The following HSF2BP variants were observed in gnomAD, a reference collection of about 807,000 sequenced individuals.
HSF2BP encodes the protein heat shock transcription factor 2 binding protein, also known as heat shock factor 2-binding protein.
Under a neutral mutation model 35.0 loss-of-function variants are expected in HSF2BP, and 35 were observed. The observed-to-expected ratio is 1.00, with a 90% CI of 0.76 to 1.32. HSF2BP has a LOEUF of 1.32. Ranked by LOEUF, HSF2BP falls within the 40% of genes most tolerant of loss-of-function variation. The pLI is 0.00. For synonymous variants in HSF2BP, 114 were observed against 117.4 expected (o/e 0.97, Z 0.18); for missense variants, 326 against 321.7 (o/e 1.01, Z -0.10).
chr21:43,656,609 C>T lies in HSF2BP; in HGVS notation c.165G>A (p.Gln55=). ...ILNGEVLESF[Q]KLKIVEKNLE... is the part of the protein sequence containing the mutation. ...CACTTTTTTCTACAATCTTTAATTT[C>T]TGGAAGCTCTCCAGCACCTCCCCAT... Residue 55 remains glutamine (Q), a synonymous_variant, in exon 3 of 9, where the codon CAG becomes CAA. Transcript: ENST00000291560. 1 of 1,608,990 alleles carries T rather than the reference C, an allele frequency of 6.2e-7. No individual in the cohort carries two copies. The highest frequency in any genetic ancestry group is 1.1e-5 in the South Asian group (1 of 89,168).
intron 3 of HSF2BP, among the ~76,000 whole-genome samples, chr21:43,655,000 C>G (rs934621154): frequency 6.6e-6 from 1 of 152,210 alleles, no homozygotes. Context: ...GAGATAAGAT[C>G]TCCCAAAGGC....
At chr21:43,657,954 C>G in intron 2 of HSF2BP, 107 bp downstream of exon 2, 1 of 1,518,098 alleles carries the variant, frequency 6.6e-7, no homozygotes, top group East Asian at 2.5e-5. Context: ...AGGCTTCCCC[C>G]AAGCACGCGA....
In HSF2BP at chr21:43,633,945, G is replaced by A. The variant is rs963571161; in HGVS notation, c.292-524C>T. ...TTAGAAAAACTCATCCTGTATAAAC[G>A]TATCCTTAACTCCTCATGAGAATAT... is the stretch of plus-strand genomic sequence containing the variant. On this transcript the variant is annotated intron_variant, in intron 4 of 8. Coordinates refer to ENST00000291560, the MANE Select transcript of HSF2BP (RefSeq NM_007031.2). Among the ~76,000 whole-genome samples the A allele has an allele frequency of 1.2e-4, 19 of 152,136 alleles. 1 individual carries two copies. The highest frequency in any genetic ancestry group is 5.9e-4 in the Admixed American group (9 of 15,270).
At position 43,659,230 on chromosome 21, in the gene HSF2BP, G is replaced by C. The variant is rs1477349740; in HGVS notation, c.-225+156C>G. 6.6e-6 allele frequency among the ~76,000 whole-genome samples: 1 copy of C among 152,156 alleles called. No homozygotes were observed. Among genetic ancestry groups the C allele is most frequent in the Non-Finnish European group, 1.5e-5 (1 of 68,032 alleles). On this transcript the variant is annotated intron_variant, in intron 1 of 8. Transcript: ENST00000291560. This position sits in a 1 kb window ranked among gnomAD's most constrained non-coding sequence, Gnocchi z 4.2. ...GAGGATCGATCGAGTCTGGGAGGTC[G>C]AGGCTGCAGTGAGCCAGGATCACCG...
At chr21:43,626,261 A>G (rs953501825) in intron 6 of HSF2BP, among the ~76,000 whole-genome samples, 1 of 152,214 alleles carries the variant, frequency 6.6e-6, no homozygotes, top group African/African-American at 2.4e-5. Flanking sequence ...AAAGAATAAC[A>G]CCAAAAGAAA....
At chr21:43,595,477 G>A (rs907280725) in intron 7 of HSF2BP, among the ~76,000 whole-genome samples, 2 of 151,826 alleles carry the variant, frequency 1.3e-5, no homozygotes, top group Non-Finnish European at 2.9e-5. Flanking sequence ...TGGGCAACAT[G>A]GCAAGACCCC....
intron 2 of HSF2BP, among the ~76,000 whole-genome samples, chr21:43,657,142 G>A (rs966905850): frequency 3.9e-5 from 6 of 152,158 alleles, no homozygotes; most frequent in Non-Finnish European, 8.8e-5. Context: ...AGGCCGAGGC[G>A]GGTGGATCAC....
At chr21:43,585,699 G>A (rs1355537982) in intron 8 of HSF2BP, among the ~76,000 whole-genome samples, 2 of 151,950 alleles carry the variant, frequency 1.3e-5, no homozygotes, top group Non-Finnish European at 1.5e-5. Context: ...AGATTCTGGA[G>A]ATGTTTTGAA....
chr21:43,636,625 G>A (rs544638457), intron 4 of HSF2BP, among the ~76,000 whole-genome samples: 5 of 152,026 alleles, frequency 3.3e-5, no homozygotes, highest in African/African-American at 4.8e-5. Context: ...AATGTGTCCG[G>A]GCGCGATGGT....
intron 7 of HSF2BP, among the ~76,000 whole-genome samples, chr21:43,605,858 C>G (rs1476377053): frequency 6.6e-6 from 1 of 151,842 alleles, no homozygotes; most frequent in Non-Finnish European, 1.5e-5. Flanking sequence ...TACACATACA[C>G]CACACCCAAA....
chr21:43,605,466 A>G (rs2082122590), intron 7 of HSF2BP, among the ~76,000 whole-genome samples: 1 of 128,912 alleles, frequency 7.8e-6, no homozygotes, highest in Non-Finnish European at 1.6e-5. Flanking sequence ...TGCAGCCCAC[A>G]CACCCCCACA....
intron 8 of HSF2BP, among the ~76,000 whole-genome samples, chr21:43,575,100 C>A (rs1326462925): frequency 6.6e-6 from 1 of 152,216 alleles, no homozygotes; most frequent in Non-Finnish European, 1.5e-5. Context: ...ATGTCTTATT[C>A]CCATTTTAAG....
intron 4 of HSF2BP, 73 bp downstream of exon 4, chr21:43,644,216 C>A: frequency 9.3e-7 from 1 of 1,079,114 alleles, no homozygotes; most frequent in South Asian, 1.3e-5. Context: ...AGTCCCACTG[C>A]TTATCATAAG....
At chr21:43,589,698 T>C (rs746859203) in intron 8 of HSF2BP, among the ~76,000 whole-genome samples, 1 of 152,170 alleles carries the variant, frequency 6.6e-6, no homozygotes, top group Non-Finnish European at 1.5e-5. Context: ...GAATCCAAAA[T>C]GACCTTCACA....
At chr21:43,595,316 A>T (rs1265163325) in intron 7 of HSF2BP, among the ~76,000 whole-genome samples, 1 of 152,154 alleles carries the variant, frequency 6.6e-6, no homozygotes, top group Non-Finnish European at 1.5e-5. Flanking sequence ...TATCAAACAA[A>T]TACTAATGAA....
At chr21:43,574,308 C>A (rs1354420504) in intron 8 of HSF2BP, among the ~76,000 whole-genome samples, 2 of 152,202 alleles carry the variant, frequency 1.3e-5, no homozygotes, top group African/African-American at 4.8e-5. Flanking sequence ...GGGTGATTAT[C>A]TTGGGAGCAA....
chr21:43,635,559 T>C (rs1409472707), intron 4 of HSF2BP, among the ~76,000 whole-genome samples: 4 of 152,064 alleles, frequency 2.6e-5, no homozygotes, highest in African/African-American at 4.8e-5. Flanking sequence ...GGAAAAAGGA[T>C]AGTCTTTTCA....
At chr21:43,603,918 T>C (rs936893221) in intron 7 of HSF2BP, among the ~76,000 whole-genome samples, 4 of 152,170 alleles carry the variant, frequency 2.6e-5, no homozygotes, top group East Asian at 1.9e-4. Flanking sequence ...TGTGGCCCAA[T>C]AGCAGAATCC....
intron 4 of HSF2BP, among the ~76,000 whole-genome samples, chr21:43,641,173 C>A (rs1369555232): frequency 6.6e-6 from 1 of 151,968 alleles, no homozygotes; most frequent in South Asian, 2.1e-4. Flanking sequence ...TTTGTATTTT[C>A]TTTTTTTAGT....
Sources: allele counts gnomAD v4.1 joint callset (sites outside exome capture counted in the v4.1 genomes callset), GRCh38; gene constraint gnomAD v4.1.1; non-coding constraint Gnocchi (gnomAD v3.1); transcripts MANE v1.5; gene names NCBI Gene and HGNC (gene_info 2026-07-23, HGNC 2026-07-21).